Variants in SPAG9 observed in about 807,000 individuals in gnomAD.
The protein encoded by SPAG9 is C-Jun-amino-terminal kinase-interacting protein 4.
In SPAG9, 35 loss-of-function variants were observed where a neutral mutation model predicts 166.5. The ratio of observed to expected loss-of-function variants is 0.21; its 90% confidence interval spans 0.16 to 0.28. SPAG9 has a LOEUF of 0.28. Ranked by LOEUF, SPAG9 falls within the 10% of genes least tolerant of loss-of-function variation. SPAG9 has a pLI of 1.00. For missense variants in SPAG9, 1,235 were observed against 1,603.3 expected (o/e 0.77, Z 3.92); for synonymous variants, 534 against 565.5 (o/e 0.94, Z 0.79).
chr17:51,113,094 C>T (rs1019469890), intron 1 of SPAG9, among the ~76,000 whole-genome samples: 7 of 151,976 alleles, frequency 4.6e-5, no homozygotes, highest in African/African-American at 1.7e-4. Context: ...TGGCTCACAC[C>T]CATAATCCCA....
At chr17:51,088,832 C>T (rs1178924082) in intron 1 of SPAG9, among the ~76,000 whole-genome samples, 1 of 151,386 alleles carries the variant, frequency 6.6e-6, no homozygotes, top group South Asian at 2.1e-4. Flanking sequence ...CAGTTGCTCA[C>T]GCCTGTAATC....
intron 1 of SPAG9, among the ~76,000 whole-genome samples, chr17:51,085,717 G>A (rs1038234542): frequency 1.1e-4 from 16 of 152,066 alleles, no homozygotes; most frequent in African/African-American, 3.9e-4. Flanking sequence ...TTTCACAAAC[G>A]TGTGCACATT....
intron 20 of SPAG9, 96 bp from the exon 21 acceptor site, chr17:50,989,968 C>T: frequency 1.0e-6 from 1 of 987,762 alleles, no homozygotes; most frequent in Non-Finnish European, 1.6e-6. Context: ...TTCCATCTAC[C>T]CACTCCTTCA....
intron 2 of SPAG9, among the ~76,000 whole-genome samples, chr17:51,077,057 GCTAT>G (rs1218288333): frequency 0.012 from 1,493 of 126,520 alleles, 20 homozygotes; most frequent in South Asian, 0.017. Context: ...TATCTAGCTA[GCTAT>G]CTAGCTAGCT....
At chr17:51,006,356 A>T in intron 10 of SPAG9, 119 bp from the exon 11 acceptor site, 2 of 909,664 alleles carry the variant, frequency 2.2e-6, no homozygotes, top group Admixed American at 5.4e-5. Context: ...ACTTCAAGAC[A>T]TTCTACCCAA....
Position 51,120,835 on chromosome 17 carries a change from C to T in SPAG9, c.-179G>A. 2.4e-6 allele frequency: 1 copy of T among 413,022 alleles called. No homozygotes were observed. The highest frequency in any genetic ancestry group is 4.2e-6 in the Non-Finnish European group (1 of 239,882). The allele number at this position is 413,022 out of a possible 1,614,324, so 25.6% of individuals were successfully genotyped here. A position where few individuals can be genotyped will look rare whatever the true frequency, so the allele number is the denominator to read the frequency against. On this transcript the variant is annotated 5_prime_UTR_variant, in exon 1 of 30. Coordinates refer to ENST00000262013, the MANE Select transcript of SPAG9 (RefSeq NM_001130528.3). The surrounding 1 kb of genome is among the most constrained non-coding windows in gnomAD (Gnocchi z 4.7). Reference sequence around the variant, plus strand: ...CGGAGGAGGGGAGGGGTGGCGTAGGCGCTCTCACCCCAACCGCCGCTGCAC... The same window carrying T: ...CGGAGGAGGGGAGGGGTGGCGTAGGTGCTCTCACCCCAACCGCCGCTGCAC...
rs1304853412 is a variant in SPAG9 at position 50,995,070 on chromosome 17, T to C, written c.2213A>G (p.Asp738Gly). ...ACACACACTTACCTTAAGTTCCTGA[T>C]CTAACTTATCTAAACTACTCTGAGA... ...SASQSSLDKL[D>G]QELKEQQKEL... Residue 738 changes from aspartate (D) to glycine (G), a missense_variant, in exon 18 of 30, where the codon GAT becomes GGT. This residue lies in a region of SPAG9 where 493 missense variants were observed against 559.4 expected (regional missense o/e 0.88). Transcript: ENST00000262013. 6.2e-7 allele frequency: 1 copy of C among 1,612,186 alleles called. No homozygotes were observed. Among genetic ancestry groups the C allele is most frequent in the Non-Finnish European group, 8.5e-7 (1 of 1,178,884 alleles).
At chr17:51,054,490 G>A (rs2047304850) in intron 3 of SPAG9, among the ~76,000 whole-genome samples, 1 of 150,986 alleles carries the variant, frequency 6.6e-6, no homozygotes. Context: ...AGGCTGGAGT[G>A]CAGTGGCGTG....
Position 50,989,684 on chromosome 17 carries a change from G to C in SPAG9, c.2806C>G (p.Gln936Glu). The change falls in exon 21 of 30, where the codon CAG becomes GAG. Residue 936 changes from glutamine (Q) to glutamate (E), a missense_variant. Around this residue, in one of 6 missense-constraint regions of SPAG9, gnomAD observed 493 missense variants for 559.4 expected, o/e 0.88. Transcript: ENST00000262013. ...GATGACCCATTATTATACCTCGACTGATACACTGGGGAGAGGTCTTCTGGG... is the reference window on the plus strand; with the variant it reads ...GATGACCCATTATTATACCTCGACTCATACACTGGGGAGAGGTCTTCTGGG... ...QIPEDLSPVY[Q>E]SSNDSDAYKD... is the part of the protein sequence containing the mutation. 6.2e-7 allele frequency: 1 copy of C among 1,613,898 alleles called. No individual in the cohort carries two copies. Among genetic ancestry groups the C allele is most frequent in the Non-Finnish European group, 8.5e-7 (1 of 1,179,814 alleles).
intron 2 of SPAG9, among the ~76,000 whole-genome samples, chr17:51,057,986 A>G (rs1054935319): frequency 1.3e-5 from 2 of 152,164 alleles, no homozygotes; most frequent in African/African-American, 2.4e-5. Context: ...CAAAATAAAC[A>G]TTTTCTACTA....
intron 3 of SPAG9, among the ~76,000 whole-genome samples, chr17:51,053,851 A>ATATAT (rs2047257472): frequency 1.5e-5 from 1 of 65,448 alleles, no homozygotes; most frequent in African/African-American, 8.4e-5. Flanking sequence ...AAAAAAAAAA[A>ATATAT]AAAGTATATA....
intron 28 of SPAG9, among the ~76,000 whole-genome samples, chr17:50,973,833 C>A (rs971654661): frequency 6.6e-6 from 1 of 152,188 alleles, no homozygotes; most frequent in South Asian, 2.1e-4. Flanking sequence ...TGGACTGCAA[C>A]ATCCACTCTT....
At chr17:51,056,304 A>G (rs2047361852) in intron 3 of SPAG9, 108 bp downstream of exon 3, 3 of 700,914 alleles carry the variant, frequency 4.3e-6, no homozygotes, top group African/African-American at 3.6e-5. Flanking sequence ...CCCAAGAATT[A>G]TTCTTTTTTA....
chr17:50,982,578 C>G lies in SPAG9; in HGVS notation c.3183G>C (p.Trp1061Cys). 1 of 1,614,014 alleles carries G rather than the reference C, an allele frequency of 6.2e-7. No individual in the cohort carries two copies. ...CATAGATTTTGTTCCTATAGCCACA[C>G]CAGACTTTGTCATGTACCACAGTCA... ...RCMTVVHDKV[W>C]CGYRNKIYVV... The change falls in exon 25 of 30, where the codon TGG (tryptophan) becomes TGC (cysteine). Residue 1061 changes from tryptophan to cysteine, a missense_variant. Physicochemically the swap from Trp to Cys is radical, Grantham distance 215. Coordinates refer to ENST00000262013, the MANE Select transcript of SPAG9 (RefSeq NM_001130528.3).
At chr17:51,078,870 A>T (rs1231643710) in intron 2 of SPAG9, among the ~76,000 whole-genome samples, 1 of 152,166 alleles carries the variant, frequency 6.6e-6, no homozygotes, top group East Asian at 1.9e-4. Context: ...TTTTAAATAC[A>T]TACTTCAAAG....
Position 50,963,118 on chromosome 17 carries a change from C to T in SPAG9, c.*3154G>A, listed in dbSNP as rs1292600539. ...CTTTTGCAGATCAGCAATGGTTGAACACTGGCAATTTCATATGGTTCAACC... is the reference window on the plus strand; with the variant it reads ...CTTTTGCAGATCAGCAATGGTTGAATACTGGCAATTTCATATGGTTCAACC... On this transcript the variant is annotated 3_prime_UTR_variant, in exon 30 of 30. Coordinates refer to ENST00000262013, the MANE Select transcript of SPAG9 (RefSeq NM_001130528.3). 1 of 152,160 alleles carries T rather than the reference C, an allele frequency of 6.6e-6. No individual in the cohort carries two copies. The highest frequency in any genetic ancestry group is 1.9e-4 in the East Asian group (1 of 5,204). 9.4% of individuals were successfully genotyped at this position (152,160 alleles called of 1,614,324 possible). A position where few individuals can be genotyped will look rare whatever the true frequency, so the allele number is the denominator to read the frequency against.
In SPAG9 at chr17:51,120,671, G is replaced by C. The variant is rs1350104584; in HGVS notation, c.-15C>G. 4 of 1,561,182 alleles carry C rather than the reference G, an allele frequency of 2.6e-6. No individual in the cohort carries two copies. In the Admixed American group the frequency reaches 7.6e-5, roughly 30 times the overall value. On this transcript the variant is annotated 5_prime_UTR_variant, in exon 1 of 30. Coordinates refer to ENST00000262013, the MANE Select transcript of SPAG9 (RefSeq NM_001130528.3). This position sits in a 1 kb window ranked among gnomAD's most constrained non-coding sequence, Gnocchi z 4.7. Reference sequence around the variant, plus strand: ...TCCAGCTCCATGGTGGCAAGCGGACGGGCGGGCGGCCCGGGGCGTCGCCGG... The same window carrying C: ...TCCAGCTCCATGGTGGCAAGCGGACCGGCGGGCGGCCCGGGGCGTCGCCGG...
At chr17:51,073,596 AAC>A (rs1214835888) in intron 2 of SPAG9, among the ~76,000 whole-genome samples, 3 of 152,152 alleles carry the variant, frequency 2.0e-5, no homozygotes, top group African/African-American at 7.2e-5. Context: ...AAAGTGAAAA[AAC>A]AGTCAAATAA....
At chr17:50,985,964 G>T (rs1975019073) in intron 22 of SPAG9, among the ~76,000 whole-genome samples, 186 bp from the exon 23 acceptor site, 1 of 152,230 alleles carries the variant, frequency 6.6e-6, no homozygotes, top group African/African-American at 2.4e-5. Flanking sequence ...CTAAGGTAAA[G>T]AAATAGGCTG....
Sources: gnomAD v4.1 joint callset for allele counts (sites outside exome capture counted in the v4.1 genomes callset) on GRCh38, gnomAD v4.1.1 for gene constraint, gnomAD v4.1.1 regional missense constraint, Gnocchi (gnomAD v3.1) non-coding constraint, MANE v1.5 for transcripts, NCBI Gene and HGNC (gene_info 2026-07-23, HGNC 2026-07-21) for gene names.